Variants in IQCH observed in about 807,000 individuals in gnomAD.
IQCH encodes the protein IQ domain-containing protein H.
A neutral mutation model predicts 117.0 loss-of-function variants in IQCH; 98 were observed. The ratio of observed to expected loss-of-function variants is 0.84; its 90% CI spans 0.71 to 0.99. The LOEUF (loss-of-function observed/expected upper bound fraction) is 0.99. Among genes scored for constraint, IQCH ranks in the 50% least tolerant of loss-of-function variants. The probability of loss-of-function intolerance (pLI) is 0.00; values close to 1 mark genes in which losing one functional copy is unlikely to be tolerated. For synonymous variants in IQCH, 412 were observed against 448.2 expected, an observed-to-expected ratio of 0.92 and a Z score of 1.02; for missense variants, 1,102 against 1,243.8, an observed-to-expected ratio of 0.89 and a Z score of 1.72.
chr15:67,442,858 A>AGATAG (rs1555499829), intron 16 of IQCH, among the ~76,000 whole-genome samples: 6 of 141,790 alleles, frequency 4.2e-5, no homozygotes, highest in African/African-American at 1.6e-4. Flanking sequence ...ATAGATAGAT[A>AGATAG]GATAGATATA....
At chr15:67,289,629 G>T (rs1966684677) in intron 4 of IQCH, among the ~76,000 whole-genome samples, 1 of 152,154 alleles carries the variant, frequency 6.6e-6, no homozygotes, top group Admixed American at 6.6e-5. Context: ...TGAGATGCTT[G>T]TGGACCCTTC....
At chr15:67,451,370 A>G (rs1249776031) in intron 16 of IQCH, among the ~76,000 whole-genome samples, 1 of 151,248 alleles carries the variant, frequency 6.6e-6, no homozygotes, top group Non-Finnish European at 1.5e-5. Flanking sequence ...TAGTGCTATA[A>G]ATTTCCCTCT....
Position 67,469,952 on chromosome 15 carries a change from T to A in IQCH, c.2676+4655T>A, listed in dbSNP as rs566814323. On this transcript the variant is annotated intron_variant, in intron 17 of 20. Coordinates refer to ENST00000335894, the MANE Select transcript of IQCH (RefSeq NM_001031715.3). ...GAGAATCAGTGATCCAGCCCCAGAG[T>A]GGAGCTTGTGCTCATCCCTAAAGAA... Among the ~76,000 whole-genome samples, 9 of 152,260 alleles carry A rather than the reference T, an allele frequency of 5.9e-5. No homozygotes were observed. In the South Asian group the frequency reaches 1.9e-3, roughly 32 times the overall value.
chr15:67,275,402 C>G (rs1029349330), intron 3 of IQCH, among the ~76,000 whole-genome samples: 1 of 151,950 alleles, frequency 6.6e-6, no homozygotes, highest in Non-Finnish European at 1.5e-5. Context: ...GACCTGGGAA[C>G]TGTCTCATCC....
intron 16 of IQCH, among the ~76,000 whole-genome samples, chr15:67,439,596 AAAC>A: frequency 6.6e-6 from 1 of 152,188 alleles, no homozygotes; most frequent in East Asian, 1.9e-4. Flanking sequence ...CAAAAAATAC[AAAC>A]AATAGGCCAG....
At chr15:67,421,611 A>G in intron 16 of IQCH, 34 bp downstream of exon 16, 1 of 1,609,104 alleles carries the variant, frequency 6.2e-7, no homozygotes, top group Non-Finnish European at 8.5e-7. Context: ...AAATGCTAAA[A>G]TATGTAATGA....
intron 10 of IQCH, among the ~76,000 whole-genome samples, chr15:67,378,724 C>T (rs1970820610): frequency 6.6e-6 from 1 of 151,998 alleles, no homozygotes; most frequent in African/African-American, 2.4e-5. Flanking sequence ...ACAGAAACAG[C>T]ATTGAACTGG....
In IQCH at chr15:67,354,930, A is replaced by G. The variant is rs112624571; in HGVS notation, c.638-2415A>G. Among the ~76,000 whole-genome samples, 884 of 152,284 alleles carry G rather than the reference A, an allele frequency of 5.8e-3. 9 individuals carry two copies. The highest frequency in any genetic ancestry group is 0.02 in the African/African-American group (835 of 41,562). ...TTCCAGGCCAGATGAAGGGGAAAAT[A>G]GTGGTGTCAGTCTCTTCCCAGAAGC... On this transcript the variant is annotated intron_variant, in intron 6 of 20. Transcript: ENST00000335894.
At chr15:67,263,777 C>G (rs888903207) in intron 3 of IQCH, among the ~76,000 whole-genome samples, 3 of 152,006 alleles carry the variant, frequency 2.0e-5, no homozygotes, top group African/African-American at 4.8e-5. Context: ...CCAGGGTAAA[C>G]AAAACAAAAA....
intron 16 of IQCH, among the ~76,000 whole-genome samples, chr15:67,464,622 G>C (rs2082884603): frequency 1.3e-5 from 2 of 152,162 alleles, no homozygotes; most frequent in African/African-American, 2.4e-5. Flanking sequence ...AAGACTTAGA[G>C]GCCAACCATT....
rs73472912 is a variant in IQCH, at chr15:67,364,360, G to C, written c.753+4475G>C. 6.6e-6 allele frequency among the ~76,000 whole-genome samples: 1 copy of C among 151,788 alleles called. No individual in the cohort carries two copies. Among genetic ancestry groups the C allele is most frequent in the Non-Finnish European group, 1.5e-5 (1 of 67,974 alleles). On this transcript the variant is annotated intron_variant, in intron 8 of 20. Transcript: ENST00000335894. This position sits in a 1 kb window ranked among gnomAD's most constrained non-coding sequence, Gnocchi z 4.1. ...TAGAAATTGCCATCCTCACCTATGC[G>C]TTTTCATCATTAAACTTTCCAAATG...
intron 5 of IQCH, among the ~76,000 whole-genome samples, chr15:67,337,757 T>TA (rs1331133119): frequency 6.6e-6 from 1 of 152,192 alleles, no homozygotes; most frequent in Non-Finnish European, 1.5e-5. Flanking sequence ...ACCAAAGTGT[T>TA]AAAAAATGCC....
chr15:67,430,847 A>G lies in IQCH; in HGVS notation c.2505+9270A>G, dbSNP rs1389525308. On this transcript the variant is annotated intron_variant, in intron 16 of 20. Coordinates refer to ENST00000335894, the MANE Select transcript of IQCH (RefSeq NM_001031715.3). The surrounding 1 kb of genome is among the most constrained non-coding windows in gnomAD (Gnocchi z 5.1). ...GGGAGTTCACATTCTAGTTGGGAAG[A>G]TAGGCTTGAAAAATGAGTAGCAAGG... Among the ~76,000 whole-genome samples, 1 of 152,220 alleles carries G rather than the reference A, an allele frequency of 6.6e-6. No individual in the cohort carries two copies. Among genetic ancestry groups the G allele is most frequent in the Non-Finnish European group, 1.5e-5 (1 of 68,036 alleles).
At position 67,408,924 on chromosome 15, in the gene IQCH, G is replaced by C. The variant is rs8024366; in HGVS notation, c.2098-8007G>C. On this transcript the variant is annotated intron_variant, in intron 14 of 20. Transcript: ENST00000335894. This position sits in a 1 kb window ranked among gnomAD's most constrained non-coding sequence, Gnocchi z 4.2. The stretch of plus-strand genomic sequence containing the variant: ...TTAGAACAGTCATATGTATTTACTT[G>C]ATATCACTCTTATATTTTAATATAA... Among the ~76,000 whole-genome samples, 555 of 152,176 alleles carry C rather than the reference G, an allele frequency of 3.6e-3. 4 individuals carry two copies. Among genetic ancestry groups the C allele is most frequent in the African/African-American group, 0.013 (522 of 41,528 alleles).
Position 67,370,200 on chromosome 15 carries a change from C to G in IQCH, c.754-1911C>G, listed in dbSNP as rs2140781668. ...ACTTCTGCCAAGGTTGTCCCATTTTCATAGATGGTCCTAATTCCACATGTC... is the reference window on the plus strand; with the variant it reads ...ACTTCTGCCAAGGTTGTCCCATTTTGATAGATGGTCCTAATTCCACATGTC... On this transcript the variant is annotated intron_variant, in intron 8 of 20. Transcript: ENST00000335894. The surrounding 1 kb of genome is among the most constrained non-coding windows in gnomAD (Gnocchi z 5.6). Among the ~76,000 whole-genome samples the G allele has an allele frequency of 6.6e-6, 1 of 152,286 alleles. No homozygotes were observed.
At chr15:67,402,058 T>C (rs983741856) in intron 14 of IQCH, among the ~76,000 whole-genome samples, 9 of 152,238 alleles carry the variant, frequency 5.9e-5, no homozygotes, top group African/African-American at 2.2e-4. Context: ...CTTTAAAAAA[T>C]ATTTAAAATA....
chr15:67,439,792 G>A (rs751408729), intron 16 of IQCH, among the ~76,000 whole-genome samples: 7 of 151,428 alleles, frequency 4.6e-5, no homozygotes, highest in Non-Finnish European at 1.0e-4. Context: ...GGAGGCTGAG[G>A]CAGGAGAATC....
At position 67,498,445 on chromosome 15, in the gene IQCH, C is replaced by T. The variant is rs372948981; in HGVS notation, c.2971-2188C>T. Among the ~76,000 whole-genome samples, 1,189 of 151,708 alleles carry T rather than the reference C, an allele frequency of 7.8e-3. 13 individuals are homozygous for T. Among genetic ancestry groups the T allele is most frequent in the African/African-American group, 0.025 (1,052 of 41,352 alleles). ...AGCCTGGCCAACATGGTGAAAACCC[C>T]GTCTTTACTAAAAATATAAAAATTA... On this transcript the variant is annotated intron_variant, in intron 20 of 20. Transcript: ENST00000335894.
At chr15:67,499,549 T>C (rs1051274981) in intron 20 of IQCH, among the ~76,000 whole-genome samples, 1 of 151,828 alleles carries the variant, frequency 6.6e-6, no homozygotes, top group Non-Finnish European at 1.5e-5. Flanking sequence ...TAGCAGTTTA[T>C]AAAAAAAATT....
Sources: gnomAD v4.1 joint callset for allele counts (sites outside exome capture counted in the v4.1 genomes callset) on GRCh38, gnomAD v4.1.1 for gene constraint, Gnocchi (gnomAD v3.1) non-coding constraint, MANE v1.5 for transcripts, NCBI Gene and HGNC (gene_info 2026-07-23, HGNC 2026-07-21) for gene names.